PLEKHM3: variants seen among roughly 807,000 people sequenced by gnomAD.
PLEKHM3 encodes pleckstrin homology domain containing M3, also known as pleckstrin homology domain-containing family M member 3.
In PLEKHM3, 45 loss-of-function variants were observed where a neutral mutation model predicts 81.8. That is an observed-to-expected ratio of 0.55 (90% CI 0.43 to 0.71). The LOEUF is 0.71. Among genes scored for constraint, PLEKHM3 ranks in the 30% least tolerant of loss-of-function variants. PLEKHM3 has a pLI of 0.00. For missense variants in PLEKHM3, 788 were observed against 924.3 expected (o/e 0.85, Z 1.91); for synonymous variants, 352 against 356.4 (o/e 0.99, Z 0.14).
chr2:207,830,695 TAA>T (rs2092282105), intron 7 of PLEKHM3, among the ~76,000 whole-genome samples: 1 of 20,170 alleles, frequency 5.0e-5, no homozygotes, highest in Non-Finnish European at 1.2e-4. Context: ...ACACTTCTTC[TAA>T]GTGTCCTTAG....
intron 7 of PLEKHM3, among the ~76,000 whole-genome samples, chr2:207,829,720 C>CT (rs899890091): frequency 2.0e-5 from 3 of 152,158 alleles, no homozygotes; most frequent in African/African-American, 7.2e-5. Context: ...GGAATTGCAC[C>CT]TGTGTAATTT....
chr2:207,852,241 T>C (rs2092416849), intron 7 of PLEKHM3, among the ~76,000 whole-genome samples: 1 of 152,190 alleles, frequency 6.6e-6, no homozygotes, highest in Non-Finnish European at 1.5e-5. Flanking sequence ...TGTATTTGGA[T>C]TCAGGTTTTG....
intron 2 of PLEKHM3, among the ~76,000 whole-genome samples, 190 bp from the exon 3 acceptor site, chr2:207,977,776 A>G (rs926411000): frequency 6.6e-6 from 1 of 152,160 alleles, no homozygotes; most frequent in Non-Finnish European, 1.5e-5. Context: ...AGCCGGGGAA[A>G]TCTCGAGTCT....
At chr2:207,913,981 GCA>G (rs1184811444) in intron 5 of PLEKHM3, among the ~76,000 whole-genome samples, 8 of 151,538 alleles carry the variant, frequency 5.3e-5, no homozygotes, top group African/African-American at 1.7e-4. Flanking sequence ...GCGCACACGC[GCA>G]CACACACACC....
At chr2:207,988,890 G>A (rs1400012598) in intron 2 of PLEKHM3, among the ~76,000 whole-genome samples, 1 of 152,126 alleles carries the variant, frequency 6.6e-6, no homozygotes, top group African/African-American at 2.4e-5. Flanking sequence ...GCACATTCTA[G>A]CTCCGAGGCC....
intron 1 of PLEKHM3, among the ~76,000 whole-genome samples, chr2:208,008,989 C>G (rs574480294): frequency 2.6e-5 from 4 of 152,204 alleles, no homozygotes; most frequent in Non-Finnish European, 5.9e-5. Flanking sequence ...ACATTTCTAC[C>G]TGGCTTACTA....
chr2:207,948,325 GACC>G (rs1363307539), intron 3 of PLEKHM3, among the ~76,000 whole-genome samples: 1 of 147,202 alleles, frequency 6.8e-6, no homozygotes. Flanking sequence ...GTCCAACCAG[GACC>G]ACACTAGAAA....
intron 3 of PLEKHM3, among the ~76,000 whole-genome samples, chr2:207,955,498 C>G (rs1690472908): frequency 6.6e-6 from 1 of 152,208 alleles, no homozygotes. Context: ...AAGCCAGGCA[C>G]TGTCATAACT....
intron 6 of PLEKHM3, among the ~76,000 whole-genome samples, chr2:207,864,882 T>G (rs2092487211): frequency 6.6e-6 from 1 of 152,210 alleles, no homozygotes; most frequent in South Asian, 2.1e-4. Context: ...TAATACAAAT[T>G]TATTTCCTTG....
intron 1 of PLEKHM3, among the ~76,000 whole-genome samples, chr2:208,004,438 A>C: frequency 6.6e-6 from 1 of 151,770 alleles, no homozygotes. Flanking sequence ...AAAAATGTAT[A>C]TCACCATTGT....
intron 1 of PLEKHM3, among the ~76,000 whole-genome samples, chr2:208,020,116 T>G (rs1443918461): frequency 6.6e-6 from 1 of 152,154 alleles, no homozygotes; most frequent in African/African-American, 2.4e-5. Flanking sequence ...GAACACAAGG[T>G]GAAGTGGATA....
intron 3 of PLEKHM3, among the ~76,000 whole-genome samples, chr2:207,963,041 T>C (rs1690793246): frequency 6.6e-6 from 1 of 151,754 alleles, no homozygotes; most frequent in Non-Finnish European, 1.5e-5. Context: ...CTAGAAAAGA[T>C]GGTGAAAGTA....
chr2:207,886,648 G>T (rs1687893840), intron 6 of PLEKHM3, among the ~76,000 whole-genome samples: 2 of 152,200 alleles, frequency 1.3e-5, no homozygotes, highest in Non-Finnish European at 2.9e-5. Flanking sequence ...ATCAGCAGGT[G>T]TTAGGGGTTC....
intron 5 of PLEKHM3, 120 bp downstream of exon 5, chr2:207,930,806 G>A (rs2105939901): frequency 9.0e-7 from 1 of 1,111,142 alleles, no homozygotes; most frequent in East Asian, 2.4e-5. Flanking sequence ...GAGAGGCGGA[G>A]GGCGAGCCAC....
intron 5 of PLEKHM3, among the ~76,000 whole-genome samples, chr2:207,915,214 A>C (rs1404378379): frequency 6.6e-6 from 1 of 152,256 alleles, no homozygotes; most frequent in African/African-American, 2.4e-5. Context: ...GAAAGGTGAG[A>C]AAAGATGAAA....
chr2:208,003,846 G>A (rs1382678809), intron 1 of PLEKHM3, among the ~76,000 whole-genome samples: 1 of 151,976 alleles, frequency 6.6e-6, no homozygotes, highest in Non-Finnish European at 1.5e-5. Flanking sequence ...ATCTTAAAAC[G>A]TTTTGTTCTT....
chr2:207,922,638 C>G (rs539083539), intron 5 of PLEKHM3, among the ~76,000 whole-genome samples: 1 of 152,194 alleles, frequency 6.6e-6, no homozygotes, highest in African/African-American at 2.4e-5. Context: ...CGGTGAAAAC[C>G]TGTCTCTACT....
chr2:207,830,969 G>T (rs534705062), intron 7 of PLEKHM3, among the ~76,000 whole-genome samples: 1 of 152,212 alleles, frequency 6.6e-6, no homozygotes, highest in South Asian at 2.1e-4. Flanking sequence ...AAGTCACGTC[G>T]CCTTTCTGAG....
chr2:207,998,074 C>T (rs960793044), intron 2 of PLEKHM3, among the ~76,000 whole-genome samples: 1 of 151,736 alleles, frequency 6.6e-6, no homozygotes, highest in Non-Finnish European at 1.5e-5. Context: ...TGGGTGGCCA[C>T]TGCTTGCCCC....
Sources: gnomAD v4.1 joint callset for allele counts (sites outside exome capture counted in the v4.1 genomes callset) on GRCh38, gnomAD v4.1.1 for gene constraint, MANE v1.5 for transcripts, NCBI Gene and HGNC (gene_info 2026-07-23, HGNC 2026-07-21) for gene names.